NRXN3: variants seen among roughly 807,000 people sequenced by gnomAD.
NRXN3 encodes neurexin 3.
In NRXN3, 32 loss-of-function variants were observed where a neutral mutation model predicts 137.6. That is an observed-to-expected ratio of 0.23 (90% CI 0.18 to 0.31). NRXN3 has a LOEUF of 0.31. Among genes scored for constraint, NRXN3 ranks in the 10% least tolerant of loss-of-function variants. The probability of loss-of-function intolerance (pLI) is 1.00; values close to 1 mark genes in which losing one functional copy is unlikely to be tolerated. For missense variants in NRXN3, 1,574 were observed against 2,062.5 expected, an observed-to-expected ratio of 0.76 and a Z score of 4.59; for synonymous variants, 798 against 784.5, an observed-to-expected ratio of 1.02 and a Z score of -0.29.
chr14:78,389,211 A>G (rs2090424223), intron 4 of NRXN3, among the ~76,000 whole-genome samples: 1 of 151,992 alleles, frequency 6.6e-6, no homozygotes, highest in Non-Finnish European at 1.5e-5. Context: ...ACCCACCACC[A>G]TGCCTGGCTA....
chr14:78,356,831 A>C (rs1034080591), intron 4 of NRXN3, among the ~76,000 whole-genome samples: 1 of 152,182 alleles, frequency 6.6e-6, no homozygotes, highest in South Asian at 2.1e-4. Context: ...ACTACTCAGC[A>C]AAAAAGGGAA....
At chr14:79,833,551 A>C (rs1202626437) in intron 20 of NRXN3, among the ~76,000 whole-genome samples, 2 of 152,102 alleles carry the variant, frequency 1.3e-5, no homozygotes, top group Non-Finnish European at 2.9e-5. Context: ...TTCAATTTAC[A>C]TGGGCATTTT....
rs748483440 is a variant in NRXN3 at position 78,510,303 on chromosome 14, T to TATA, written c.758-134800_758-134798dup. 1.1e-3 allele frequency among the ~76,000 whole-genome samples: 172 copies of TATA among 151,620 alleles called. 1 individual carries two copies. Among genetic ancestry groups the TATA allele is most frequent in the African/African-American group, 3.7e-3 (153 of 41,396 alleles). ...TGTAGAAAGTACTTAATGAGGAAGCTATAATAATAATAATAATAACAATTA... is the reference window on the plus strand; with the variant it reads ...TGTAGAAAGTACTTAATGAGGAAGCTATAATAATAATAATAATAATAACAATTA... On this transcript the variant is annotated intron_variant, in intron 4 of 20. Coordinates refer to ENST00000335750, the MANE Select transcript of NRXN3 (RefSeq NM_001330195.2).
chr14:79,302,290 A>G (rs1470634317), intron 15 of NRXN3, among the ~76,000 whole-genome samples: 1 of 152,004 alleles, frequency 6.6e-6, no homozygotes, highest in Non-Finnish European at 1.5e-5. Context: ...GGAATACCGG[A>G]GGCTGGGTAA....
chr14:79,280,914 C>T (rs951189302), intron 15 of NRXN3: 6 of 196,232 alleles, frequency 3.1e-5, no homozygotes, highest in Non-Finnish European at 6.4e-5. Flanking sequence ...CTTGCTTTCA[C>T]CCTTCTTTGC....
intron 10 of NRXN3, among the ~76,000 whole-genome samples, chr14:78,933,295 G>C (rs544528988): frequency 6.6e-6 from 1 of 152,182 alleles, no homozygotes; most frequent in South Asian, 2.1e-4. Context: ...CTTCCCTTAT[G>C]GTTATTGTTT....
intron 6 of NRXN3, among the ~76,000 whole-genome samples, chr14:78,663,236 T>A (rs1235279987): frequency 6.6e-6 from 1 of 152,192 alleles, no homozygotes; most frequent in Non-Finnish European, 1.5e-5. Flanking sequence ...CTGGAAAAGG[T>A]TGGTGATTCT....
At chr14:78,198,296 C>T (rs779735164) in intron 1 of NRXN3, among the ~76,000 whole-genome samples, 1 of 152,244 alleles carries the variant, frequency 6.6e-6, no homozygotes, top group Non-Finnish European at 1.5e-5. Flanking sequence ...CCTCCTCCAA[C>T]CCCGTAATAG....
At chr14:79,583,085 A>C (rs1320177381) in intron 16 of NRXN3, among the ~76,000 whole-genome samples, 1 of 152,226 alleles carries the variant, frequency 6.6e-6, no homozygotes, top group Non-Finnish European at 1.5e-5. Flanking sequence ...TAAAACACAA[A>C]AACAGTCTAA....
chr14:78,315,093 C>T (rs577378762), intron 4 of NRXN3, among the ~76,000 whole-genome samples: 103 of 151,474 alleles, frequency 6.8e-4, no homozygotes, highest in African/African-American at 2.4e-3. Context: ...CTCACTGCAA[C>T]CTTTGCCTCT....
At chr14:79,129,286 A>C (rs973426946) in intron 15 of NRXN3, among the ~76,000 whole-genome samples, 6 of 145,712 alleles carry the variant, frequency 4.1e-5, no homozygotes, top group African/African-American at 1.6e-4. Flanking sequence ...TCAATTTTGG[A>C]TCTTTCCTGC....
intron 4 of NRXN3, among the ~76,000 whole-genome samples, chr14:78,612,172 G>C (rs1013046745): frequency 2.6e-5 from 4 of 152,124 alleles, no homozygotes; most frequent in African/African-American, 9.7e-5. Context: ...GTTTAAACTT[G>C]CTTTCTTACA....
intron 15 of NRXN3, among the ~76,000 whole-genome samples, chr14:79,175,146 A>C (rs1447792963): frequency 6.6e-6 from 1 of 151,932 alleles, no homozygotes; most frequent in East Asian, 1.9e-4. Flanking sequence ...ATATGCGGCT[A>C]ATTTTTTGTA....
chr14:78,618,673 T>C (rs2097369689), intron 4 of NRXN3, among the ~76,000 whole-genome samples: 1 of 152,154 alleles, frequency 6.6e-6, no homozygotes, highest in African/African-American at 2.4e-5. Context: ...GTTCTGTACA[T>C]CTGCATCATC....
intron 19 of NRXN3, among the ~76,000 whole-genome samples, chr14:79,730,190 G>A (rs557870508): frequency 2.9e-4 from 44 of 152,076 alleles, no homozygotes; most frequent in Non-Finnish European, 4.3e-4. Flanking sequence ...TTGACAAGGT[G>A]CCAAAAATCT....
chr14:79,567,311 A>G lies in NRXN3; in HGVS notation c.3445-96467A>G, dbSNP rs2097559728. Among the ~76,000 whole-genome samples, 3 of 151,978 alleles carry G rather than the reference A, an allele frequency of 2.0e-5. No homozygotes were observed. The South Asian group carries it at 6.2e-4, about 32-fold the overall frequency. On this transcript the variant is annotated intron_variant, in intron 16 of 20. Transcript: ENST00000335750. ...AGAAATGAAAAATAACGTATTTTGT[A>G]TTTATGCAAGAAATTATCTGTACCG...
chr14:79,446,890 C>T (rs1016436584), intron 15 of NRXN3, among the ~76,000 whole-genome samples: 1 of 152,112 alleles, frequency 6.6e-6, no homozygotes, highest in Non-Finnish European at 1.5e-5. Context: ...TCTAAGTGTA[C>T]AATACAGTAT....
chr14:79,053,663 G>A (rs1256476189), intron 15 of NRXN3, among the ~76,000 whole-genome samples: 1 of 151,950 alleles, frequency 6.6e-6, no homozygotes, highest in African/African-American at 2.4e-5. Flanking sequence ...TGTTGGGATA[G>A]AGCAGCAACA....
chr14:78,299,385 A>T (rs2076656592), intron 4 of NRXN3, among the ~76,000 whole-genome samples: 1 of 152,182 alleles, frequency 6.6e-6, no homozygotes, highest in South Asian at 2.1e-4. Context: ...GAGCTCTATG[A>T]ATTGCTGGAA....
Sources: allele counts gnomAD v4.1 joint callset (sites outside exome capture counted in the v4.1 genomes callset), GRCh38; gene constraint gnomAD v4.1.1; transcripts MANE v1.5; gene names NCBI Gene and HGNC (gene_info 2026-07-23, HGNC 2026-07-21).